ARMC8: variants seen among roughly 807,000 people sequenced by gnomAD.
The protein encoded by ARMC8 is armadillo repeat containing 8, also known as armadillo repeat-containing protein 8.
ARMC8 carries 20 observed loss-of-function variants against 99.3 expected under a neutral mutation model. That is an observed-to-expected ratio of 0.20 (90% CI 0.14 to 0.29). ARMC8 has a LOEUF of 0.29. ARMC8 is among the 10% of genes least tolerant of loss of function. The probability of loss-of-function intolerance (pLI) is 1.00; values close to 1 mark genes in which losing one functional copy is unlikely to be tolerated. For missense variants in ARMC8, 569 were observed against 809.5 expected (o/e 0.70, Z 3.60); for synonymous variants, 263 against 278.3 (o/e 0.95, Z 0.55).
intron 6 of ARMC8, among the ~76,000 whole-genome samples, chr3:138,234,559 G>A (rs541971668): frequency 6.6e-6 from 1 of 152,314 alleles, no homozygotes; most frequent in African/African-American, 2.4e-5. Context: ...TTGTGGTCCA[G>A]TTCCTTTTAC....
intron 5 of ARMC8, among the ~76,000 whole-genome samples, chr3:138,225,955 C>G (rs1024110069): frequency 3.2e-4 from 48 of 152,160 alleles, no homozygotes; most frequent in African/African-American, 1.1e-3. Context: ...TGGGTCACCT[C>G]ACACAGTAGG....
At chr3:138,282,711 A>G (rs6796663) in intron 18 of ARMC8, among the ~76,000 whole-genome samples, 7,673 of 151,790 alleles carry the variant, frequency 0.051, 659 homozygotes, top group African/African-American at 0.17. Flanking sequence ...GGGCTAGAAT[A>G]TAGGGAAAGC....
At chr3:138,245,005 CTTT>C in intron 11 of ARMC8, 80 bp from the exon 12 acceptor site, 1 of 1,488,026 alleles carries the variant, frequency 6.7e-7, no homozygotes, top group Non-Finnish European at 9.1e-7. Flanking sequence ...AAGTTGTAAA[CTTT>C]TTTTTTCTTC....
At chr3:138,209,600 A>G (rs1372040098) in intron 1 of ARMC8, among the ~76,000 whole-genome samples, 1 of 152,198 alleles carries the variant, frequency 6.6e-6, no homozygotes, top group Non-Finnish European at 1.5e-5. Context: ...GACATCTTGA[A>G]CTGAACACTA....
At chr3:138,209,344 C>T (rs2044566706) in intron 1 of ARMC8, among the ~76,000 whole-genome samples, 1 of 152,174 alleles carries the variant, frequency 6.6e-6, no homozygotes, top group East Asian at 1.9e-4. Context: ...AACTAGGAGT[C>T]TTCTTTCTTT....
At chr3:138,281,154 A>G (rs2049871359) in intron 18 of ARMC8, among the ~76,000 whole-genome samples, 1 of 152,034 alleles carries the variant, frequency 6.6e-6, no homozygotes, top group South Asian at 2.1e-4. Context: ...TCTCTGCTCT[A>G]TTTCCTTGAT....
chr3:138,277,645 T>A (rs867954979), intron 18 of ARMC8, among the ~76,000 whole-genome samples: 14 of 152,320 alleles, frequency 9.2e-5, no homozygotes, highest in Non-Finnish European at 1.5e-4. Context: ...AAAATTTTTT[T>A]AAAACAGTAC....
intron 18 of ARMC8, among the ~76,000 whole-genome samples, chr3:138,280,009 T>G (rs2049722435): frequency 1.3e-5 from 2 of 151,888 alleles, no homozygotes; most frequent in African/African-American, 4.8e-5. Context: ...GTTCAAACCT[T>G]TCTCCTGCCT....
At chr3:138,198,817 G>A (rs1267805874) in intron 1 of ARMC8, among the ~76,000 whole-genome samples, 6 of 151,800 alleles carry the variant, frequency 4.0e-5, no homozygotes, top group Non-Finnish European at 8.8e-5. Context: ...CGGCCATATA[G>A]CCTTATATTT....
chr3:138,285,833 C>G (rs545896390), intron 19 of ARMC8, among the ~76,000 whole-genome samples: 1 of 152,218 alleles, frequency 6.6e-6, no homozygotes, highest in African/African-American at 2.4e-5. Context: ...CCAGGGATTC[C>G]CTTATCTTTC....
intron 19 of ARMC8, among the ~76,000 whole-genome samples, chr3:138,286,006 G>A (rs1171841601): frequency 5.3e-5 from 8 of 152,040 alleles, no homozygotes; most frequent in South Asian, 2.1e-4. Context: ...GTGCAGTGAC[G>A]CGATCTTGGC....
intron 6 of ARMC8, among the ~76,000 whole-genome samples, chr3:138,231,686 A>G (rs577363688): frequency 6.6e-5 from 10 of 152,034 alleles, no homozygotes; most frequent in Admixed American, 3.9e-4. Context: ...GGAGGCTGAG[A>G]GGATCCCTTG....
chr3:138,270,754 T>A (rs1388601303), intron 16 of ARMC8, among the ~76,000 whole-genome samples: 1 of 152,208 alleles, frequency 6.6e-6, no homozygotes, highest in African/African-American at 2.4e-5. Context: ...AATAATTTTT[T>A]AACAGTTTCT....
intron 12 of ARMC8, chr3:138,261,730 T>C (rs1047862193): frequency 6.6e-6 from 1 of 152,212 alleles, no homozygotes; most frequent in Non-Finnish European, 1.5e-5. Context: ...AGAGTAAAGA[T>C]GTGAGAACAT....
chr3:138,194,098 A>G (rs1286984385), intron 1 of ARMC8, among the ~76,000 whole-genome samples: 1 of 149,270 alleles, frequency 6.7e-6, no homozygotes, highest in Non-Finnish European at 1.5e-5. Context: ...GCTGGAGTGC[A>G]GTGGCGCGAC....
chr3:138,231,803 A>T (rs1441494449), intron 6 of ARMC8, among the ~76,000 whole-genome samples: 4 of 151,374 alleles, frequency 2.6e-5, no homozygotes, highest in Non-Finnish European at 5.9e-5. Flanking sequence ...AAAAAAGACC[A>T]TGAGGACTTA....
intron 18 of ARMC8, among the ~76,000 whole-genome samples, chr3:138,276,419 C>G (rs79425993): frequency 1.3e-5 from 2 of 152,200 alleles, no homozygotes; most frequent in East Asian, 3.9e-4. Flanking sequence ...ACAAGTATGT[C>G]CATTTGTACC....
chr3:138,205,907 A>G (rs2044348347), intron 1 of ARMC8, among the ~76,000 whole-genome samples: 1 of 152,226 alleles, frequency 6.6e-6, no homozygotes, highest in African/African-American at 2.4e-5. Flanking sequence ...AAAGTTCTAT[A>G]CTAGTGCTAT....
At chr3:138,236,707 G>A (rs937817761) in intron 7 of ARMC8, among the ~76,000 whole-genome samples, 1 of 150,858 alleles carries the variant, frequency 6.6e-6, no homozygotes, top group Non-Finnish European at 1.5e-5. Flanking sequence ...TAGAAGTGAG[G>A]ATTAGATTGG....
Sources: allele counts gnomAD v4.1 joint callset (sites outside exome capture counted in the v4.1 genomes callset), GRCh38; gene constraint gnomAD v4.1.1; transcripts MANE v1.5; gene names NCBI Gene and HGNC (gene_info 2026-07-23, HGNC 2026-07-21).